Variants in LSAMP observed in about 807,000 individuals in gnomAD.
LSAMP encodes the protein limbic system-associated membrane protein.
LSAMP carries 7 observed loss-of-function variants against 38.6 expected under a neutral mutation model. That is an observed-to-expected ratio of 0.18 (90% confidence interval 0.10 to 0.34). The LOEUF (loss-of-function observed/expected upper bound fraction) is 0.34, where lower values mean the gene tolerates loss of function less well. LSAMP is among the 10% of genes least tolerant of loss of function. The probability of loss-of-function intolerance (pLI) is 1.00; values close to 1 mark genes in which losing one functional copy is unlikely to be tolerated. For synonymous variants in LSAMP, 154 were observed against 166.8 expected (o/e 0.92, Z 0.59); for missense variants, 313 against 420.0 (o/e 0.75, Z 2.23).
intron 3 of LSAMP, among the ~76,000 whole-genome samples, chr3:115,913,219 G>GA (rs34004172): frequency 2.0e-5 from 3 of 152,214 alleles, no homozygotes; most frequent in Non-Finnish European, 4.4e-5. Flanking sequence ...TAAATTAAGA[G>GA]AAAAAAACTG....
At chr3:116,298,213 A>G (rs1260919425) in intron 1 of LSAMP, among the ~76,000 whole-genome samples, 1 of 152,168 alleles carries the variant, frequency 6.6e-6, no homozygotes, top group Non-Finnish European at 1.5e-5. Flanking sequence ...AGCTAAAGAA[A>G]CCTTCTGTCT....
chr3:115,848,386 C>T (rs754137773), intron 4 of LSAMP, among the ~76,000 whole-genome samples: 4 of 152,074 alleles, frequency 2.6e-5, no homozygotes, highest in African/African-American at 4.8e-5. Context: ...ATTGGGCCAC[C>T]GCACTCCAGC....
chr3:116,367,194 G>A (rs548028733), intron 1 of LSAMP, among the ~76,000 whole-genome samples: 1 of 152,182 alleles, frequency 6.6e-6, no homozygotes, highest in African/African-American at 2.4e-5. Context: ...TTGAATATGA[G>A]GCATTACATG....
chr3:116,134,465 A>G (rs999497605), intron 1 of LSAMP, among the ~76,000 whole-genome samples: 2 of 152,310 alleles, frequency 1.3e-5, no homozygotes, highest in South Asian at 2.1e-4. Context: ...CCAAACTGTC[A>G]TAATTTTCAA....
rs1933636380 is a variant in LSAMP, at chr3:115,806,638, A to G, written c.*3679T>C. 1 of 152,218 alleles carries G rather than the reference A, an allele frequency of 6.6e-6. No homozygotes were observed. Among genetic ancestry groups the G allele is most frequent in the African/African-American group, 2.4e-5 (1 of 41,446 alleles). 9.4% of individuals were successfully genotyped at this position (152,218 alleles called of 1,614,324 possible). A position where few individuals can be genotyped will look rare whatever the true frequency, so the allele number is the denominator to read the frequency against. On this transcript the variant is annotated 3_prime_UTR_variant, in exon 7 of 7. Coordinates refer to ENST00000490035, the MANE Select transcript of LSAMP (RefSeq NM_002338.5). Reference sequence around the variant, plus strand: ...TTACAAGGTCTCTATAAGTAGCCCCAGTAGTCTGACTATGTAGTAAAAAAA... The same window carrying G: ...TTACAAGGTCTCTATAAGTAGCCCCGGTAGTCTGACTATGTAGTAAAAAAA...
At chr3:115,974,968 C>CT (rs1939138121) in intron 3 of LSAMP, among the ~76,000 whole-genome samples, 1 of 152,128 alleles carries the variant, frequency 6.6e-6, no homozygotes, top group South Asian at 2.1e-4. Flanking sequence ...GCTTAGGATT[C>CT]TTTTTTTATT....
chr3:115,840,833 G>GAA (rs138851246), intron 6 of LSAMP, among the ~76,000 whole-genome samples: 9 of 148,414 alleles, frequency 6.1e-5, no homozygotes, highest in African/African-American at 2.2e-4. Flanking sequence ...AATCTGTGCA[G>GAA]AAAAAAAAAA....
chr3:115,810,561 G>T, intron 6 of LSAMP, 147 bp from the exon 7 acceptor site: 1 of 671,308 alleles, frequency 1.5e-6, no homozygotes, highest in Admixed American at 2.9e-5. Context: ...CCCAAGAAGC[G>T]CTCAAAACTT....
intron 1 of LSAMP, among the ~76,000 whole-genome samples, chr3:116,138,932 A>G (rs1256960924): frequency 6.6e-6 from 1 of 151,798 alleles, no homozygotes; most frequent in East Asian, 1.9e-4. Flanking sequence ...AGAATCCACC[A>G]GAGACTATGG....
At chr3:116,151,378 T>C (rs1213104682) in intron 1 of LSAMP, among the ~76,000 whole-genome samples, 1 of 151,956 alleles carries the variant, frequency 6.6e-6, no homozygotes, top group Non-Finnish European at 1.5e-5. Flanking sequence ...GTGTAGAGGT[T>C]AACCCAGTAC....
At chr3:116,093,907 T>C (rs555335075) in intron 1 of LSAMP, among the ~76,000 whole-genome samples, 4 of 152,244 alleles carry the variant, frequency 2.6e-5, no homozygotes, top group African/African-American at 7.2e-5. Flanking sequence ...CATTTCACTC[T>C]AGAAGGAAAG....
At chr3:116,185,031 T>TTTC (rs71616344) in intron 1 of LSAMP, among the ~76,000 whole-genome samples, 2 of 76,836 alleles carry the variant, frequency 2.6e-5, no homozygotes, top group Non-Finnish European at 2.9e-5. Context: ...TCTTTCTTTC[T>TTTC]TTTTTTTTTT....
At chr3:115,865,606 T>C (rs1435038924) in intron 3 of LSAMP, among the ~76,000 whole-genome samples, 1 of 152,170 alleles carries the variant, frequency 6.6e-6, no homozygotes, top group African/African-American at 2.4e-5. Context: ...GGACCACCTA[T>C]ATAATAATCA....
intron 1 of LSAMP, among the ~76,000 whole-genome samples, chr3:116,172,136 T>C (rs1710216235): frequency 6.6e-6 from 1 of 151,956 alleles, no homozygotes; most frequent in Non-Finnish European, 1.5e-5. Flanking sequence ...TAAATATCAA[T>C]TGAGCTTCTA....
intron 3 of LSAMP, among the ~76,000 whole-genome samples, chr3:115,925,158 G>A (rs1302990660): frequency 6.6e-6 from 1 of 152,114 alleles, no homozygotes; most frequent in East Asian, 1.9e-4. Context: ...GGTGAACAAG[G>A]GGGAGCTATT....
chr3:115,859,926 G>T (rs1170149704), intron 3 of LSAMP, among the ~76,000 whole-genome samples: 1 of 152,138 alleles, frequency 6.6e-6, no homozygotes, highest in Non-Finnish European at 1.5e-5. Flanking sequence ...TTTAGAAACT[G>T]CCCTGCCCTT....
chr3:116,204,093 C>G (rs1486037769), intron 1 of LSAMP, among the ~76,000 whole-genome samples: 3 of 152,074 alleles, frequency 2.0e-5, no homozygotes, highest in Non-Finnish European at 2.9e-5. Context: ...GATTGCCATT[C>G]TAACTGGTGT....
intron 1 of LSAMP, among the ~76,000 whole-genome samples, chr3:116,375,307 C>T (rs1382417589): frequency 6.6e-6 from 1 of 151,754 alleles, no homozygotes; most frequent in East Asian, 1.9e-4. Flanking sequence ...AGAAAACAAA[C>T]TGTTAATATT....
At chr3:116,427,020 C>T (rs553361187) in intron 1 of LSAMP, among the ~76,000 whole-genome samples, 1 of 151,890 alleles carries the variant, frequency 6.6e-6, no homozygotes, top group Admixed American at 6.6e-5. Context: ...TATGAAATGC[C>T]TGCATTTCTA....
Sources: gnomAD v4.1 joint callset for allele counts (sites outside exome capture counted in the v4.1 genomes callset) on GRCh38, gnomAD v4.1.1 for gene constraint, MANE v1.5 for transcripts, NCBI Gene and HGNC (gene_info 2026-07-23, HGNC 2026-07-21) for gene names.